The following SBF2 variants were observed in gnomAD, a reference collection of about 807,000 sequenced individuals.
SBF2 encodes the protein myotubularin-related protein 13.
Under a neutral mutation model 225.2 loss-of-function variants are expected in SBF2, and 112 were observed. The observed-to-expected ratio is 0.50, with a 90% CI of 0.43 to 0.58. The LOEUF (loss-of-function observed/expected upper bound fraction) is 0.58, where lower values mean the gene tolerates loss of function less well. SBF2 is among the 20% of genes least tolerant of loss of function. The pLI is 0.00. For missense variants in SBF2, 1,996 were observed against 2,206.2 expected (o/e 0.90, Z 1.91); for synonymous variants, 763 against 773.3 (o/e 0.99, Z 0.22).
At chr11:9,833,533 G>C (rs1273303591) in intron 26 of SBF2, among the ~76,000 whole-genome samples, 1 of 147,078 alleles carries the variant, frequency 6.8e-6, no homozygotes, top group Non-Finnish European at 1.5e-5. Context: ...CCATTCTCCT[G>C]CCTCAGCCTC....
At chr11:9,930,844 G>A (rs1374974364) in intron 16 of SBF2, among the ~76,000 whole-genome samples, 2 of 152,230 alleles carry the variant, frequency 1.3e-5, no homozygotes, top group Non-Finnish European at 2.9e-5. Context: ...CCCTTTCCCA[G>A]CAAAGGGAAG....
intron 1 of SBF2, among the ~76,000 whole-genome samples, chr11:10,207,873 T>C (rs1354491701): frequency 2.0e-5 from 3 of 152,132 alleles, no homozygotes; most frequent in Admixed American, 1.3e-4. Flanking sequence ...CTATGTCTTA[T>C]CAAAGGTAAA....
intron 14 of SBF2, 90 bp from the exon 15 acceptor site, chr11:9,963,972 TG>T: frequency 1.3e-6 from 1 of 781,696 alleles, no homozygotes. Context: ...GACTGTAGGT[TG>T]GGCGTGGAGG....
At chr11:9,794,622 A>G (rs1852976023) in intron 33 of SBF2, among the ~76,000 whole-genome samples, 1 of 136,892 alleles carries the variant, frequency 7.3e-6, no homozygotes. Context: ...CCAAGATCGC[A>G]CCAATGCACT....
At chr11:10,148,794 T>C (rs1171174089) in intron 2 of SBF2, among the ~76,000 whole-genome samples, 1 of 152,150 alleles carries the variant, frequency 6.6e-6, no homozygotes, top group African/African-American at 2.4e-5. Context: ...ATCTGTAGCA[T>C]TATGAAATCC....
At position 10,084,576 on chromosome 11, in the gene SBF2, C is replaced by A. The variant is rs374420540; in HGVS notation, c.142-41595G>T. 5.3e-5 allele frequency among the ~76,000 whole-genome samples: 8 copies of A among 152,290 alleles called. No homozygotes were observed. In the East Asian group the frequency reaches 1.2e-3, roughly 22 times the overall value. Reference sequence around the variant, plus strand: ...AGCATTATATCCAGCAATCCCACTACTGGGTATCTACTGAAAGGAAAATAA... The same window carrying A: ...AGCATTATATCCAGCAATCCCACTAATGGGTATCTACTGAAAGGAAAATAA... On this transcript the variant is annotated intron_variant, in intron 2 of 39. Transcript: ENST00000256190.
intron 6 of SBF2, among the ~76,000 whole-genome samples, chr11:10,004,583 A>G (rs532188161): frequency 6.7e-6 from 1 of 148,282 alleles, no homozygotes; most frequent in East Asian, 2.0e-4. Context: ...TTAAAAAAAA[A>G]AAAAAAAAAA....
chr11:10,210,583 C>T (rs1400863361), intron 1 of SBF2, among the ~76,000 whole-genome samples: 1 of 152,026 alleles, frequency 6.6e-6, no homozygotes, highest in African/African-American at 2.4e-5. Flanking sequence ...GACAACTGGC[C>T]GTTTCTACCA....
intron 17 of SBF2, among the ~76,000 whole-genome samples, chr11:9,894,600 C>G (rs1047912104): frequency 6.6e-6 from 1 of 152,076 alleles, no homozygotes; most frequent in African/African-American, 2.4e-5. Flanking sequence ...GGGAGGATCA[C>G]TTGAGCCCAG....
intron 1 of SBF2, among the ~76,000 whole-genome samples, chr11:10,221,365 G>A (rs549452369): frequency 1.1e-3 from 172 of 152,128 alleles, no homozygotes; most frequent in African/African-American, 3.9e-3. Flanking sequence ...TGATCTGCCC[G>A]CCTCAGCCTC....
chr11:10,049,321 T>C (rs1326298647), intron 2 of SBF2, among the ~76,000 whole-genome samples: 2 of 152,216 alleles, frequency 1.3e-5, no homozygotes, highest in East Asian at 3.8e-4. Flanking sequence ...TTTATTTTAG[T>C]TGTGGCTGGG....
At chr11:10,066,638 T>A (rs1408415623) in intron 2 of SBF2, among the ~76,000 whole-genome samples, 1 of 152,208 alleles carries the variant, frequency 6.6e-6, no homozygotes, top group African/African-American at 2.4e-5. Context: ...ATAAAGAGCA[T>A]TGATGTGAAA....
intron 16 of SBF2, among the ~76,000 whole-genome samples, chr11:9,905,428 A>G (rs1862045777): frequency 6.6e-6 from 1 of 152,246 alleles, no homozygotes. Flanking sequence ...GAGCGTAATC[A>G]GGATTTTCCT....
intron 2 of SBF2, among the ~76,000 whole-genome samples, chr11:10,044,761 G>A (rs1157457872): frequency 3.3e-5 from 5 of 152,196 alleles, no homozygotes; most frequent in Admixed American, 6.5e-5. Flanking sequence ...GTCCAGACAC[G>A]TCTTGTGCCA....
At position 9,970,342 on chromosome 11, in the gene SBF2, G is replaced by A. The variant is rs137952027; in HGVS notation, c.1396-1797C>T. Among the ~76,000 whole-genome samples the A allele has an allele frequency of 2.2e-3, 339 of 152,136 alleles. 1 individual carries two copies. The highest frequency in any genetic ancestry group is 0.014 in the Middle Eastern group (4 of 294). On this transcript the variant is annotated intron_variant, in intron 13 of 39. Transcript: ENST00000256190. ...CTGCCTCAGTCTCCCGAGGAGCTGG[G>A]ACAACAGGGCCCACCACCACGCCCG...
intron 2 of SBF2, among the ~76,000 whole-genome samples, chr11:10,170,787 A>C (rs1956151349): frequency 6.6e-6 from 1 of 151,624 alleles, no homozygotes; most frequent in Admixed American, 6.6e-5. Flanking sequence ...TGAACATGGA[A>C]TATCTTTCCT....
chr11:10,289,598 C>T (rs1209909529), intron 1 of SBF2, among the ~76,000 whole-genome samples: 1 of 152,078 alleles, frequency 6.6e-6, no homozygotes, highest in Non-Finnish European at 1.5e-5. Flanking sequence ...GGGCCCAGCC[C>T]TTGGGAGTGT....
chr11:10,161,353 T>A (rs1000638920), intron 2 of SBF2, among the ~76,000 whole-genome samples: 1 of 152,170 alleles, frequency 6.6e-6, no homozygotes. Context: ...TTGCCAGTTA[T>A]ACTGCCTCTT....
intron 29 of SBF2, among the ~76,000 whole-genome samples, chr11:9,813,175 T>C (rs913354358): frequency 6.6e-6 from 1 of 152,230 alleles, no homozygotes; most frequent in Non-Finnish European, 1.5e-5. Flanking sequence ...AGTTCCAGAC[T>C]GTACGTGTAT....
Sources: allele counts gnomAD v4.1 joint callset (sites outside exome capture counted in the v4.1 genomes callset), GRCh38; gene constraint gnomAD v4.1.1; transcripts MANE v1.5; gene names NCBI Gene and HGNC (gene_info 2026-07-23, HGNC 2026-07-21).